Variants in FGF23 observed in about 807,000 individuals in gnomAD.
The protein encoded by FGF23 is fibroblast growth factor 23.
Under a neutral mutation model 9.0 loss-of-function variants are expected in FGF23, and 8 were observed. The ratio of observed to expected loss-of-function variants is 0.89; its 90% CI spans 0.52 to 1.60. The LOEUF is 1.60. Ranked by LOEUF, FGF23 falls within the 40% of genes most tolerant of loss-of-function variation. The pLI is 0.00. For missense variants in FGF23, 311 were observed against 344.3 expected, an observed-to-expected ratio of 0.90 and a Z score of 0.77; for synonymous variants, 118 against 146.2, an observed-to-expected ratio of 0.81 and a Z score of 1.39.
At chr12:4,373,504 G>C (rs184950870) in intron 1 of FGF23, among the ~76,000 whole-genome samples, 2 of 152,224 alleles carry the variant, frequency 1.3e-5, no homozygotes, top group African/African-American at 4.8e-5. Flanking sequence ...TTTTCTTCTT[G>C]GCTCTTCTTG....
chr12:4,378,532 T>C (rs1439984014), intron 1 of FGF23, among the ~76,000 whole-genome samples: 1 of 152,210 alleles, frequency 6.6e-6, no homozygotes, highest in African/African-American at 2.4e-5. Context: ...ATGGATTGAT[T>C]ATTGTGGATT....
At chr12:4,376,625 G>A (rs571761526) in intron 1 of FGF23, among the ~76,000 whole-genome samples, 16 of 152,088 alleles carry the variant, frequency 1.1e-4, no homozygotes, top group Non-Finnish European at 1.9e-4. Flanking sequence ...GGGTACAAGC[G>A]ATTCTTCTGC....
intron 1 of FGF23, among the ~76,000 whole-genome samples, chr12:4,376,970 C>T (rs1865123112): frequency 6.6e-6 from 1 of 152,112 alleles, no homozygotes; most frequent in Admixed American, 6.5e-5. Context: ...CCCGAAGTTC[C>T]CCTCCCCGCA....
intron 1 of FGF23, among the ~76,000 whole-genome samples, chr12:4,378,720 TGTTGG>T (rs1865144690): frequency 9.4e-5 from 12 of 127,722 alleles, no homozygotes; most frequent in Non-Finnish European, 2.0e-4. Flanking sequence ...CCATTAAACC[TGTTGG>T]ATGGATGGAT....
rs927314627 is a variant in FGF23 at position 4,372,717 on chromosome 12, G to A, written c.212-20C>T. The stretch of plus-strand genomic sequence containing the variant: ...GGGCACCTATGGAGAAAAACAGGCA[G>A]GGCAAAGACTCATTGCCATCCAATT... On this transcript the variant is annotated intron_variant, in intron 1 of 2. Transcript: ENST00000237837. The A allele has an allele frequency of 4.6e-6, 7 of 1,523,816 alleles. No homozygotes were observed. Among genetic ancestry groups the A allele is most frequent in the South Asian group, 1.1e-5 (1 of 88,950 alleles). 94.4% of individuals were successfully genotyped at this position (1,523,816 alleles called of 1,614,324 possible).
At chr12:4,374,899 A>G (rs1591673892) in intron 1 of FGF23, among the ~76,000 whole-genome samples, 1 of 152,302 alleles carries the variant, frequency 6.6e-6, no homozygotes, top group Non-Finnish European at 1.5e-5. Flanking sequence ...ACATCTTCCC[A>G]CCACCCGGTA....
intron 2 of FGF23, among the ~76,000 whole-genome samples, chr12:4,371,791 C>T (rs141037369): frequency 1.3e-3 from 192 of 152,254 alleles, no homozygotes; most frequent in African/African-American, 4.4e-3. Flanking sequence ...AAAGTCACAG[C>T]TAGTCCCAGA....
At chr12:4,378,036 A>C (rs1293817469) in intron 1 of FGF23, among the ~76,000 whole-genome samples, 1 of 152,206 alleles carries the variant, frequency 6.6e-6, no homozygotes, top group Non-Finnish European at 1.5e-5. Context: ...GAGTCTTACT[A>C]TATTCTCTGG....
intron 1 of FGF23, among the ~76,000 whole-genome samples, chr12:4,377,422 CTTTTTTTTTT>C (rs11397562): frequency 4.3e-5 from 3 of 69,478 alleles, no homozygotes; most frequent in South Asian, 7.2e-4. Context: ...CACATATAGT[CTTTTTTTTTT>C]TTTTTTTTTT....
At position 4,370,408 on chromosome 12, in the gene FGF23, G is replaced by A. The variant is rs764061118; in HGVS notation, c.691C>T (p.Arg231Ter). The A allele has an allele frequency of 2.5e-6, 4 of 1,613,620 alleles. No homozygotes were observed. The highest frequency in any genetic ancestry group is 3.4e-6 in the Non-Finnish European group (4 of 1,179,988). ...SDPLGVVRGG[R>*]VNTHAGGTGP... ...GTTCCCCCAGCGTGCGTGTTCACTC[G>A]ACCGCCCCTGACCACCCCTAATGGG... Residue 231 changes from arginine to a stop codon, truncating the protein, a stop_gained, in exon 3 of 3, where the codon CGA becomes TGA. Transcript: ENST00000237837. LOFTEE classifies it low-confidence loss of function (END_TRUNC).
At chr12:4,374,848 G>C (rs1865101089) in intron 1 of FGF23, among the ~76,000 whole-genome samples, 1 of 152,128 alleles carries the variant, frequency 6.6e-6, no homozygotes, top group Non-Finnish European at 1.5e-5. Context: ...CCTAATTTAA[G>C]TGATAAGGAA....
intron 1 of FGF23, among the ~76,000 whole-genome samples, chr12:4,375,683 G>T (rs1239145743): frequency 6.6e-6 from 1 of 152,134 alleles, no homozygotes; most frequent in Admixed American, 6.5e-5. Flanking sequence ...GTGTCCTCTA[G>T]GTCTTTTACT....
Position 4,368,656 on chromosome 12 carries a change from A to G in FGF23, c.*1687T>C, listed in dbSNP as rs1865029528. 9.8e-6 allele frequency: 2 copies of G among 204,204 alleles called. No homozygotes were observed. Among genetic ancestry groups the G allele is most frequent in the African/African-American group, 4.6e-5 (2 of 43,734 alleles). 12.6% of individuals were successfully genotyped at this position (204,204 alleles called of 1,614,324 possible). ...CCCTGATGGTAGTGTTGAGTTTGTG[A>G]GATTACAACTAGTTTTCCACCAAAA... On this transcript the variant is annotated 3_prime_UTR_variant, in exon 3 of 3. Transcript: ENST00000237837.
rs1289762671 is a variant in FGF23 at position 4,370,609 on chromosome 12, T to A, written c.490A>T (p.Ile164Phe). 6.2e-7 allele frequency: 1 copy of A among 1,613,894 alleles called. No individual in the cohort carries two copies. The highest frequency in any genetic ancestry group is 1.1e-5 in the South Asian group (1 of 91,074). The change falls in exon 3 of 3, where the codon ATC (isoleucine) becomes TTC (phenylalanine). Residue 164 changes from isoleucine (I) to phenylalanine (F), a missense_variant. Ile to Phe is a conservative substitution (Grantham distance 21). This residue lies in a region of FGF23 where 206 missense variants were observed against 219.2 expected (regional missense o/e 0.94). Transcript: ENST00000237837. Reference protein sequence around the residue: ...YSQFLSRRNEIPLIHFNTPIP... With the variant: ...YSQFLSRRNEFPLIHFNTPIP... The stretch of plus-strand genomic sequence containing the variant: ...GGGGTGTTGAAGTGAATTAGGGGGA[T>A]CTCGTTCCTCCGGGACAGGAACTGG...
intron 2 of FGF23, among the ~76,000 whole-genome samples, 181 bp downstream of exon 2, chr12:4,372,413 C>T (rs1430582615): frequency 6.6e-6 from 1 of 151,968 alleles, no homozygotes; most frequent in Non-Finnish European, 1.5e-5. Context: ...TGAGTTCAAA[C>T]CCCAGCTATT....
At chr12:4,376,858 C>T (rs1194226880) in intron 1 of FGF23, among the ~76,000 whole-genome samples, 3 of 152,022 alleles carry the variant, frequency 2.0e-5, no homozygotes, top group Non-Finnish European at 4.4e-5. Context: ...TAATTTTTTC[C>T]TGCACTTTTT....
chr12:4,379,340 T>C, intron 1 of FGF23, 32 bp downstream of exon 1: 1 of 1,582,244 alleles, frequency 6.3e-7, no homozygotes. Flanking sequence ...ACAAGGGTGC[T>C]CCCCTTCTTC....
intron 1 of FGF23, among the ~76,000 whole-genome samples, chr12:4,377,768 A>G (rs1290050824): frequency 2.6e-5 from 4 of 152,090 alleles, no homozygotes; most frequent in African/African-American, 9.7e-5. Context: ...TGTCCCCTCC[A>G]TGAGACATGC....
At chr12:4,374,312 G>A (rs755566583) in intron 1 of FGF23, among the ~76,000 whole-genome samples, 1 of 152,180 alleles carries the variant, frequency 6.6e-6, no homozygotes, top group Non-Finnish European at 1.5e-5. Flanking sequence ...CAAATGTATG[G>A]CTAGTTTTGT....
Sources: gnomAD v4.1 joint callset for allele counts (sites outside exome capture counted in the v4.1 genomes callset) on GRCh38, gnomAD v4.1.1 for gene constraint, gnomAD v4.1.1 regional missense constraint, MANE v1.5 for transcripts, NCBI Gene and HGNC (gene_info 2026-07-23, HGNC 2026-07-21) for gene names.